Variants in GOLGB1 observed in about 807,000 individuals in gnomAD.
The protein encoded by GOLGB1 is golgin B1.
In GOLGB1, 174 loss-of-function variants were observed where a neutral mutation model predicts 336.9. The ratio of observed to expected loss-of-function variants is 0.52; its 90% CI spans 0.46 to 0.59. GOLGB1 has a LOEUF of 0.59. Ranked by LOEUF, GOLGB1 falls within the 20% of genes least tolerant of loss-of-function variation. The probability of loss-of-function intolerance (pLI) is 0.00; values close to 1 mark genes in which losing one functional copy is unlikely to be tolerated. For synonymous variants in GOLGB1, 1,208 were observed against 1,289.2 expected (o/e 0.94, Z 1.35); for missense variants, 3,331 against 3,645.3 (o/e 0.91, Z 2.22).
At chr3:121,732,751 A>G (rs1024366398) in intron 1 of GOLGB1, among the ~76,000 whole-genome samples, 2 of 152,234 alleles carry the variant, frequency 1.3e-5, no homozygotes, top group Non-Finnish European at 2.9e-5. Context: ...GGGCATCTTT[A>G]AAAAACTTAC....
At chr3:121,681,990 G>A (rs1941126368) in intron 14 of GOLGB1, 125 bp from the exon 15 acceptor site, 1 of 664,656 alleles carries the variant, frequency 1.5e-6, no homozygotes, top group African/African-American at 1.8e-5. Flanking sequence ...ACAGTCCACT[G>A]ATGACATATC....
intron 4 of GOLGB1, among the ~76,000 whole-genome samples, chr3:121,727,287 C>CAT (rs1316465763): frequency 4.2e-5 from 2 of 47,630 alleles, no homozygotes; most frequent in Admixed American, 7.1e-4. Context: ...TACATACACA[C>CAT]ACACACATAT....
intron 1 of GOLGB1, among the ~76,000 whole-genome samples, chr3:121,744,441 C>CAAAAA (rs11290154): frequency 1.5e-4 from 11 of 73,094 alleles, no homozygotes; most frequent in Non-Finnish European, 2.4e-4. Context: ...ACTGTCTCTA[C>CAAAAA]AAAAAAAAAA....
Position 121,719,702 on chromosome 3 carries a change from C to G in GOLGB1, c.715G>C (p.Glu239Gln), listed in dbSNP as rs149544503. Reference sequence around the variant, plus strand: ...GTTACTAACTGAAGAAGCTCATCTTCATGAAGACGAACTTGTGTTTCAAAG... The same window carrying G: ...GTTACTAACTGAAGAAGCTCATCTTGATGAAGACGAACTTGTGTTTCAAAG... ...ARFETQVRLH[E>Q]DELLQLVTQA... The change falls in exon 7 of 22, where the codon GAA becomes CAA. Residue 239 changes from glutamate (E) to glutamine (Q), a missense_variant. Coordinates refer to ENST00000614479, the MANE Select transcript of GOLGB1 (RefSeq NM_001366282.2). 7.2e-5 allele frequency: 116 copies of G among 1,611,404 alleles called. No homozygotes were observed. The Admixed American group carries it at 1.9e-3, about 27-fold the overall frequency.
rs1938181408 is a variant in GOLGB1, at chr3:121,663,392, G to C, written c.*1088C>G. The C allele has an allele frequency of 6.6e-6, 1 of 152,174 alleles. No homozygotes were observed. Among genetic ancestry groups the C allele is most frequent in the Non-Finnish European group, 1.5e-5 (1 of 68,030 alleles). The allele number at this position is 152,174 out of a possible 1,614,324, so 9.4% of individuals were successfully genotyped here. On this transcript the variant is annotated 3_prime_UTR_variant, in exon 22 of 22. Transcript: ENST00000614479. ...GAGAAAATAACCAACTGGTAGGATG[G>C]GGGAGGGGAGGGGAGGCAGGGAATA...
chr3:121,697,352 A>T lies in GOLGB1; in HGVS notation c.3171T>A (p.Thr1057=), dbSNP rs1230794608. 1 of 1,613,668 alleles carries T rather than the reference A, an allele frequency of 6.2e-7. No individual in the cohort carries two copies. The highest frequency in any genetic ancestry group is 1.3e-5 in the African/African-American group (1 of 74,904). ...AAATTTCTATTTCTTGGCACTTAGA[A>T]GTCACACATTTTTCTGAGTATTCTT... ...ENKEYSEKCV[T]SKCQEIEIYL... Residue 1057 remains threonine (T), a synonymous_variant, in exon 13 of 22, where the codon ACT becomes ACA. Coordinates refer to ENST00000614479, the MANE Select transcript of GOLGB1 (RefSeq NM_001366282.2).
chr3:121,724,440 G>T (rs1010332338), intron 5 of GOLGB1, among the ~76,000 whole-genome samples: 1 of 152,124 alleles, frequency 6.6e-6, no homozygotes, highest in Non-Finnish European at 1.5e-5. Context: ...TTTGTAGAAG[G>T]CTGAGCTTGA....
chr3:121,746,775 C>T (rs982867202), intron 1 of GOLGB1, among the ~76,000 whole-genome samples: 4 of 152,078 alleles, frequency 2.6e-5, no homozygotes, highest in East Asian at 3.9e-4. Context: ...CCACTGCGCC[C>T]GGCCTAACTC....
intron 1 of GOLGB1, among the ~76,000 whole-genome samples, chr3:121,747,979 C>T (rs9817818): frequency 6.6e-6 from 1 of 151,532 alleles, no homozygotes; most frequent in African/African-American, 2.4e-5. Context: ...TAGTAATTAA[C>T]CTAGAGAAAT....
chr3:121,718,462 C>G lies in GOLGB1; in HGVS notation c.811G>C (p.Glu271Gln), dbSNP rs1344170183. Residue 271 changes from glutamate (E) to glutamine (Q), a missense_variant, in exon 8 of 22, where the codon GAA becomes CAA. By Grantham distance (29) the Glu-to-Gln change is conservative. Coordinates refer to ENST00000614479, the MANE Select transcript of GOLGB1 (RefSeq NM_001366282.2). ...VLQRKLEEHE[E>Q]SLVGRAQVVD... is the part of the protein sequence containing the mutation. Reference sequence around the variant, plus strand: ...ACCTGAGCACGGCCCACCAAGGATTCTTCGTGTTCCTCAAGCTTCCTTTGC... The same window carrying G: ...ACCTGAGCACGGCCCACCAAGGATTGTTCGTGTTCCTCAAGCTTCCTTTGC... The G allele has an allele frequency of 9.9e-6, 16 of 1,613,844 alleles. No individual in the cohort carries two copies. The highest frequency in any genetic ancestry group is 1.3e-5 in the African/African-American group (1 of 74,914).
At chr3:121,701,393 G>A (rs1440522045) in intron 11 of GOLGB1, among the ~76,000 whole-genome samples, 1 of 152,080 alleles carries the variant, frequency 6.6e-6, no homozygotes, top group Non-Finnish European at 1.5e-5. Context: ...AGAAATAGTG[G>A]GAATCGTCTA....
At chr3:121,716,585 T>C (rs770691213) in intron 9 of GOLGB1, 152 bp downstream of exon 9, 2 of 560,468 alleles carry the variant, frequency 3.6e-6, no homozygotes, top group Non-Finnish European at 6.2e-6. Flanking sequence ...GCAAGAAAAA[T>C]GCATCAAGAA....
In GOLGB1 at chr3:121,699,811, C is replaced by A. The variant is rs753340139; in HGVS notation, c.1593+1G>T. Reference sequence around the variant, plus strand: ...GGTTATATTAAGAACACATCACTTACCTCACTGACTTCTCTGTCTGCCTCC... The same window carrying A: ...GGTTATATTAAGAACACATCACTTAACTCACTGACTTCTCTGTCTGCCTCC... On this transcript the variant is annotated splice_donor_variant, in intron 12 of 21. Coordinates refer to ENST00000614479, the MANE Select transcript of GOLGB1 (RefSeq NM_001366282.2). LOFTEE classifies it high-confidence loss of function. 4 of 1,568,012 alleles carry A rather than the reference C, an allele frequency of 2.6e-6. No individual in the cohort carries two copies. The highest frequency in any genetic ancestry group is 1.8e-6 in the Non-Finnish European group (2 of 1,139,262).
At chr3:121,675,289 A>G (rs1273773059) in intron 17 of GOLGB1, among the ~76,000 whole-genome samples, 1 of 152,226 alleles carries the variant, frequency 6.6e-6, no homozygotes, top group Non-Finnish European at 1.5e-5. Context: ...AACCCAGTAT[A>G]TAAATATATA....
intron 10 of GOLGB1, among the ~76,000 whole-genome samples, chr3:121,714,273 TC>T (rs1944585844): frequency 6.6e-6 from 1 of 152,184 alleles, no homozygotes; most frequent in South Asian, 2.1e-4. Context: ...ATTAAGAACA[TC>T]AAACTAACTG....
chr3:121,672,079 T>A (rs1261499594), intron 17 of GOLGB1, among the ~76,000 whole-genome samples: 1 of 152,252 alleles, frequency 6.6e-6, no homozygotes, highest in Non-Finnish European at 1.5e-5. Context: ...TTTTGTTTTT[T>A]ATGAACAGTG....
intron 17 of GOLGB1, among the ~76,000 whole-genome samples, chr3:121,672,243 T>A (rs1381831560): frequency 6.6e-6 from 1 of 152,244 alleles, no homozygotes; most frequent in African/African-American, 2.4e-5. Flanking sequence ...CTTACATTGC[T>A]AACAGTGTAT....
intron 1 of GOLGB1, among the ~76,000 whole-genome samples, chr3:121,731,870 C>T (rs1007000547): frequency 6.6e-6 from 1 of 151,280 alleles, no homozygotes; most frequent in African/African-American, 2.4e-5. Context: ...TAGAGAATAT[C>T]AATAAAACCA....
chr3:121,672,467 AAGTTG>A (rs1047405708), intron 17 of GOLGB1, among the ~76,000 whole-genome samples: 1 of 152,022 alleles, frequency 6.6e-6, no homozygotes, highest in Non-Finnish European at 1.5e-5. Context: ...GCCCACTTTT[AAGTTG>A]AGTTATTTGT....
Sources: gnomAD v4.1 joint callset for allele counts (sites outside exome capture counted in the v4.1 genomes callset) on GRCh38, gnomAD v4.1.1 for gene constraint, MANE v1.5 for transcripts, NCBI Gene and HGNC (gene_info 2026-07-23, HGNC 2026-07-21) for gene names.